Variants in TEAD4 observed in about 807,000 individuals in gnomAD.
The protein encoded by TEAD4 is transcriptional enhancer factor TEF-3.
TEAD4 carries 36 observed loss-of-function variants against 52.4 expected under a neutral mutation model. The ratio of observed to expected loss-of-function variants is 0.69; its 90% CI spans 0.53 to 0.91. The LOEUF (loss-of-function observed/expected upper bound fraction) is 0.91, where lower values mean the gene tolerates loss of function less well. Ranked by LOEUF, TEAD4 falls within the 40% of genes least tolerant of loss-of-function variation. The pLI, the probability that TEAD4 is intolerant of heterozygous loss-of-function variation, is 0.00. For missense variants in TEAD4, 508 were observed against 583.9 expected, an observed-to-expected ratio of 0.87 and a Z score of 1.34; for synonymous variants, 220 against 231.0, an observed-to-expected ratio of 0.95 and a Z score of 0.43.
chr12:2,998,850 G>T (rs1479400824), intron 3 of TEAD4, among the ~76,000 whole-genome samples: 1 of 152,168 alleles, frequency 6.6e-6, no homozygotes, highest in Non-Finnish European at 1.5e-5. Flanking sequence ...GGCTCCAGGT[G>T]GGTCAGGCCC....
intron 11 of TEAD4, among the ~76,000 whole-genome samples, chr12:3,039,810 C>G (rs569419857): frequency 6.6e-6 from 1 of 152,344 alleles, no homozygotes; most frequent in Admixed American, 6.5e-5. Flanking sequence ...GCCTCAGCCT[C>G]CAGAGTAGCT....
chr12:2,966,284 T>C (rs1485757401), intron 2 of TEAD4, among the ~76,000 whole-genome samples: 1 of 152,164 alleles, frequency 6.6e-6, no homozygotes, highest in African/African-American at 2.4e-5. Flanking sequence ...CCTGAGCTTG[T>C]GTTACTGTGA....
rs950651224 is a variant in TEAD4 at position 3,017,648 on chromosome 12, G to A, written c.483+122G>A. Reference sequence around the variant, plus strand: ...TCTCACCTGAGTCCTCTTGGCCAGGGCAGTCAGGGAAGGAGGGAACAAGGA... The same window carrying A: ...TCTCACCTGAGTCCTCTTGGCCAGGACAGTCAGGGAAGGAGGGAACAAGGA... On this transcript the variant is annotated intron_variant, in intron 6 of 12. Coordinates refer to ENST00000359864, the MANE Select transcript of TEAD4 (RefSeq NM_003213.4). 6.6e-6 allele frequency: 9 copies of A among 1,370,596 alleles called. No individual in the cohort carries two copies. In the African/African-American group the frequency reaches 1.3e-4, roughly 20 times the overall value. 84.9% of individuals were successfully genotyped at this position (1,370,596 alleles called of 1,614,324 possible).
intron 2 of TEAD4, among the ~76,000 whole-genome samples, chr12:2,965,120 T>G (rs1470635180): frequency 6.6e-6 from 1 of 152,194 alleles, no homozygotes; most frequent in East Asian, 1.9e-4. Context: ...GGCAGACTCC[T>G]AGAATTGATT....
chr12:3,005,195 G>A (rs2098254870), intron 3 of TEAD4, among the ~76,000 whole-genome samples: 1 of 152,264 alleles, frequency 6.6e-6, no homozygotes, highest in East Asian at 1.9e-4. Context: ...GAGTAGAATG[G>A]TGGTTACTGG....
chr12:3,029,095 G>T (rs911520823), intron 10 of TEAD4, among the ~76,000 whole-genome samples: 1 of 151,960 alleles, frequency 6.6e-6, no homozygotes, highest in East Asian at 1.9e-4. Context: ...CAGAGACAGG[G>T]TCTTGCTGTG....
chr12:3,020,647 T>C lies in TEAD4; in HGVS notation c.597T>C (p.Pro199=), dbSNP rs1270872169. ...CACTTTGTGCAGGGTTTGAGTCTCC[T>C]GCAGGGCCCGCCCCATCGCCCTCTG... Residue 199 remains proline (P), a synonymous_variant, in exon 9 of 13, where the codon CCT becomes CCC. Coordinates refer to ENST00000359864, the MANE Select transcript of TEAD4 (RefSeq NM_003213.4). 1 of 1,583,030 alleles carries C rather than the reference T, an allele frequency of 6.3e-7. No individual in the cohort carries two copies. The highest frequency in any genetic ancestry group is 1.4e-5 in the African/African-American group (1 of 73,940).
chr12:3,001,614 A>G (rs1232336199), intron 3 of TEAD4, among the ~76,000 whole-genome samples: 1 of 151,782 alleles, frequency 6.6e-6, no homozygotes, highest in Non-Finnish European at 1.5e-5. Context: ...TACTAAAAAT[A>G]CAAAATTACA....
rs748044893 is a variant in TEAD4 at position 3,012,258 on chromosome 12, G to A, written c.354+26G>A. On this transcript the variant is annotated intron_variant, in intron 5 of 12. Coordinates refer to ENST00000359864, the MANE Select transcript of TEAD4 (RefSeq NM_003213.4). Reference sequence around the variant, plus strand: ...GTAAGGAAACTGCAGTGGGGGTGCTGGAGTGGCCAGGAGTGGTGGCCAGCA... The same window carrying A: ...GTAAGGAAACTGCAGTGGGGGTGCTAGAGTGGCCAGGAGTGGTGGCCAGCA... The A allele has an allele frequency of 1.7e-5, 27 of 1,611,118 alleles. No individual in the cohort carries two copies. The East Asian group carries it at 4.7e-4, about 28-fold the overall frequency.
rs1408764913 is a variant in TEAD4 at position 2,968,392 on chromosome 12, T to C, written c.-30+8352T>C. On this transcript the variant is annotated intron_variant, in intron 2 of 12. Coordinates refer to ENST00000359864, the MANE Select transcript of TEAD4 (RefSeq NM_003213.4). ...TGAGCCACCGCGCCCGGCCTTTTTTTTTTTTTTTTTTTTTTTTTTTGTGAG... is the reference window on the plus strand; with the variant it reads ...TGAGCCACCGCGCCCGGCCTTTTTTCTTTTTTTTTTTTTTTTTTTTGTGAG... 7.0e-5 allele frequency among the ~76,000 whole-genome samples: 8 copies of C among 114,716 alleles called. No individual in the cohort carries two copies. The Admixed American group carries it at 7.3e-4, about 10-fold the overall frequency. The allele number at this position is 114,716 out of a possible 152,430, so 75.3% of individuals were successfully genotyped here.
At chr12:3,023,330 G>A (rs1386410774) in intron 10 of TEAD4, among the ~76,000 whole-genome samples, 1 of 152,194 alleles carries the variant, frequency 6.6e-6, no homozygotes, top group Non-Finnish European at 1.5e-5. Flanking sequence ...AGACAACTGG[G>A]AGAGTGAGTT....
At chr12:3,003,029 C>T (rs549325155) in intron 3 of TEAD4, among the ~76,000 whole-genome samples, 1 of 152,268 alleles carries the variant, frequency 6.6e-6, no homozygotes, top group South Asian at 2.1e-4. Context: ...ATAGCTGCAC[C>T]CCCAACACAC....
intron 10 of TEAD4, among the ~76,000 whole-genome samples, chr12:3,024,135 C>T (rs1031150151): frequency 2.6e-5 from 4 of 151,688 alleles, no homozygotes; most frequent in Non-Finnish European, 5.9e-5. Flanking sequence ...GGTGCAGTGG[C>T]GTGATCTTGG....
intron 3 of TEAD4, among the ~76,000 whole-genome samples, chr12:3,005,985 C>T (rs925759075): frequency 2.6e-5 from 4 of 151,908 alleles, no homozygotes; most frequent in African/African-American, 9.7e-5. Flanking sequence ...GTGACTGTAG[C>T]GAATAATAAC....
At chr12:3,028,156 G>A (rs79448516) in intron 10 of TEAD4, among the ~76,000 whole-genome samples, 2,771 of 152,284 alleles carry the variant, frequency 0.018, 45 homozygotes, top group South Asian at 0.029. Context: ...GTTGTAGCAC[G>A]TACGTTCCTT....
At chr12:2,971,207 A>G (rs889248308) in intron 2 of TEAD4, among the ~76,000 whole-genome samples, 2 of 152,188 alleles carry the variant, frequency 1.3e-5, no homozygotes, top group Non-Finnish European at 2.9e-5. Flanking sequence ...GTGCACAAGC[A>G]GGGTCTGTGG....
intron 2 of TEAD4, among the ~76,000 whole-genome samples, chr12:2,974,557 C>T (rs554370874): frequency 8.1e-4 from 123 of 152,264 alleles, no homozygotes; most frequent in Middle Eastern, 3.4e-3. Context: ...GTGCTTAGGG[C>T]GTAGGGCTGG....
chr12:2,999,655 T>C (rs2098250110), intron 3 of TEAD4, among the ~76,000 whole-genome samples: 1 of 152,214 alleles, frequency 6.6e-6, no homozygotes, highest in South Asian at 2.1e-4. Flanking sequence ...GCCGCTTTCA[T>C]TTCTGCCCTG....
chr12:3,010,095 G>A (rs751524171), intron 3 of TEAD4, among the ~76,000 whole-genome samples: 3 of 152,210 alleles, frequency 2.0e-5, no homozygotes, highest in Non-Finnish European at 4.4e-5. Flanking sequence ...CTCATCCGAT[G>A]CTTCTCCGTA....
Sources: gnomAD v4.1 joint callset for allele counts (sites outside exome capture counted in the v4.1 genomes callset) on GRCh38, gnomAD v4.1.1 for gene constraint, MANE v1.5 for transcripts, NCBI Gene and HGNC (gene_info 2026-07-23, HGNC 2026-07-21) for gene names.